The following WWOX variants were observed in gnomAD, a reference collection of about 807,000 sequenced individuals.
WWOX encodes the protein WW domain containing oxidoreductase.
Under a neutral mutation model 46.2 loss-of-function variants are expected in WWOX, and 69 were observed. The ratio of observed to expected loss-of-function variants is 1.49; its 90% confidence interval spans 1.23 to 1.82. The LOEUF is 1.82. Among genes scored for constraint, WWOX ranks in the 40% most tolerant of loss-of-function variants. The pLI is 0.00. For synonymous variants in WWOX, 359 were observed against 202.6 expected (o/e 1.77, Z -6.56); for missense variants, 919 against 542.6 (o/e 1.69, Z -6.89).
At chr16:79,021,980 A>C (rs7205005) in intron 8 of WWOX, among the ~76,000 whole-genome samples, 10,928 of 152,268 alleles carry the variant, frequency 0.072, 1,280 homozygotes, top group African/African-American at 0.25. Context: ...CTGCAGGCAC[A>C]TAGTAAGTGC....
intron 8 of WWOX, among the ~76,000 whole-genome samples, chr16:78,528,878 A>G (rs537477839): frequency 6.6e-6 from 1 of 151,752 alleles, no homozygotes; most frequent in Non-Finnish European, 1.5e-5. Context: ...GCTTACTCAC[A>G]TCATAGATGG....
intron 8 of WWOX, among the ~76,000 whole-genome samples, chr16:78,988,233 C>A (rs12934073): frequency 0.74 from 111,743 of 151,532 alleles, 42,420 homozygotes; most frequent in Non-Finnish European, 0.84. Flanking sequence ...AATCTCAGCT[C>A]CTCGGGAGGC....
chr16:79,156,721 AG>A (rs2050388932), intron 8 of WWOX, among the ~76,000 whole-genome samples: 1 of 149,962 alleles, frequency 6.7e-6, no homozygotes, highest in Non-Finnish European at 1.5e-5. Context: ...CAAATTTAAG[AG>A]GGGGGTGGGG....
At chr16:79,021,506 T>C (rs2047532552) in intron 8 of WWOX, among the ~76,000 whole-genome samples, 1 of 152,186 alleles carries the variant, frequency 6.6e-6, no homozygotes, top group Admixed American at 6.5e-5. Flanking sequence ...TAGTAACAAA[T>C]GTTCTTCCTT....
chr16:79,011,310 G>A (rs553636594), intron 8 of WWOX, among the ~76,000 whole-genome samples: 7 of 151,546 alleles, frequency 4.6e-5, no homozygotes, highest in East Asian at 1.9e-4. Flanking sequence ...ACACTATTAC[G>A]TAGTATTATC....
chr16:78,445,055 G>T (rs546575935), intron 8 of WWOX, among the ~76,000 whole-genome samples: 1 of 152,094 alleles, frequency 6.6e-6, no homozygotes, highest in South Asian at 2.1e-4. Context: ...TCACCTAATC[G>T]TGTAGTGAGC....
At position 78,980,657 on chromosome 16, in the gene WWOX, C is replaced by A. The variant is rs180762280; in HGVS notation, c.1057-230951C>A. Among the ~76,000 whole-genome samples, 68 of 152,228 alleles carry A rather than the reference C, an allele frequency of 4.5e-4. 1 individual carries two copies. Among genetic ancestry groups the A allele is most frequent in the East Asian group, 4.1e-3 (21 of 5,182 alleles). On this transcript the variant is annotated intron_variant, in intron 8 of 8. Coordinates refer to ENST00000566780, the MANE Select transcript of WWOX (RefSeq NM_016373.4). ...CTGATTATTCCATAGTTGCAGGAAC[C>A]CCACATGGCATTTCAAATCACAATC...
At chr16:78,144,483 A>ATATATGTATATATATATT in intron 4 of WWOX, among the ~76,000 whole-genome samples, 1 of 29,678 alleles carries the variant, frequency 3.4e-5, no homozygotes, top group Admixed American at 4.9e-4. Context: ...ATATATATAT[A>ATATATGTATATATATATT]TATACACACA....
At chr16:79,166,987 G>T (rs970204956) in intron 8 of WWOX, among the ~76,000 whole-genome samples, 1 of 151,982 alleles carries the variant, frequency 6.6e-6, no homozygotes, top group African/African-American at 2.4e-5. Flanking sequence ...TGTCATCCAG[G>T]CTGGAGTGCA....
intron 8 of WWOX, among the ~76,000 whole-genome samples, chr16:78,980,678 C>G (rs138385241): frequency 2.0e-5 from 3 of 152,282 alleles, no homozygotes; most frequent in African/African-American, 7.2e-5. Flanking sequence ...TTTCAAATCA[C>G]AATCAGAACT....
At chr16:78,526,443 C>A (rs554745423) in intron 8 of WWOX, 1 of 152,084 alleles carries the variant, frequency 6.6e-6, no homozygotes, top group Non-Finnish European at 1.5e-5. Flanking sequence ...GGGAAAAGGC[C>A]CAGGTGAGGC....
chr16:78,219,609 G>A (rs2036827040), intron 5 of WWOX, among the ~76,000 whole-genome samples: 1 of 152,064 alleles, frequency 6.6e-6, no homozygotes, highest in Admixed American at 6.6e-5. Flanking sequence ...TTTTAACTCG[G>A]TGAGTCTCAG....
At chr16:79,126,423 A>G (rs7200008) in intron 8 of WWOX, among the ~76,000 whole-genome samples, 5 of 152,134 alleles carry the variant, frequency 3.3e-5, no homozygotes, top group African/African-American at 9.7e-5. Context: ...GGTTTTCCCC[A>G]TGCTGTTCTC....
chr16:78,460,760 G>A (rs888866032), intron 8 of WWOX, among the ~76,000 whole-genome samples: 4 of 152,232 alleles, frequency 2.6e-5, no homozygotes, highest in African/African-American at 9.6e-5. Flanking sequence ...GGATCCACAA[G>A]ATGGAGTGAT....
chr16:78,249,518 A>T (rs1022649939), intron 5 of WWOX, among the ~76,000 whole-genome samples: 1 of 152,168 alleles, frequency 6.6e-6, no homozygotes, highest in Non-Finnish European at 1.5e-5. Context: ...CGTGGCTCTG[A>T]GGGCAGAAAC....
chr16:79,181,536 T>C (rs1363270125), intron 8 of WWOX, among the ~76,000 whole-genome samples: 3 of 152,208 alleles, frequency 2.0e-5, no homozygotes, highest in Non-Finnish European at 2.9e-5. Flanking sequence ...TTTCCTCGTA[T>C]TGTTGAAAAC....
intron 7 of WWOX, 68 bp downstream of exon 7, chr16:78,425,123 C>T: frequency 6.3e-7 from 1 of 1,596,758 alleles, no homozygotes; most frequent in South Asian, 1.1e-5. Context: ...CCCCAAGGCT[C>T]TCATTCTGAA....
At chr16:78,657,672 G>A (rs936594594) in intron 8 of WWOX, among the ~76,000 whole-genome samples, 1 of 152,144 alleles carries the variant, frequency 6.6e-6, no homozygotes, top group African/African-American at 2.4e-5. Flanking sequence ...GGATGTGATG[G>A]AAGTGATTCT....
chr16:78,267,986 T>G, intron 5 of WWOX, among the ~76,000 whole-genome samples: 2 of 152,234 alleles, frequency 1.3e-5, no homozygotes, highest in Middle Eastern at 6.8e-3. Context: ...CCTGGCTAAG[T>G]TTTTGTACTT....
Sources: allele counts gnomAD v4.1 joint callset (sites outside exome capture counted in the v4.1 genomes callset), GRCh38; gene constraint gnomAD v4.1.1; transcripts MANE v1.5; gene names NCBI Gene and HGNC (gene_info 2026-07-23, HGNC 2026-07-21).